The following EVL variants were observed in gnomAD, a reference collection of about 807,000 sequenced individuals.
The protein encoded by EVL is ena/VASP-like protein.
EVL carries 21 observed loss-of-function variants against 59.6 expected under a neutral mutation model. That is an observed-to-expected ratio of 0.35 (90% CI 0.25 to 0.51). The LOEUF is 0.51. Among genes scored for constraint, EVL ranks in the 20% least tolerant of loss-of-function variants. EVL has a pLI of 0.97. For missense variants in EVL, 462 were observed against 546.6 expected (o/e 0.85, Z 1.54); for synonymous variants, 198 against 203.5 (o/e 0.97, Z 0.23).
chr14:100,128,887 T>A, intron 6 of EVL, 139 bp downstream of exon 6: 1 of 695,826 alleles, frequency 1.4e-6, no homozygotes, highest in Non-Finnish European at 2.4e-6. Flanking sequence ...CTTGGCCACT[T>A]GTTCTCAAAC....
At chr14:100,104,788 G>A (rs1024975150) in intron 3 of EVL, among the ~76,000 whole-genome samples, 1 of 151,934 alleles carries the variant, frequency 6.6e-6, no homozygotes, top group African/African-American at 2.4e-5. Context: ...AAAGAAACAT[G>A]GCACTGTGAG....
At chr14:100,088,015 C>T (rs1020330105) in intron 2 of EVL, among the ~76,000 whole-genome samples, 1 of 152,212 alleles carries the variant, frequency 6.6e-6, no homozygotes, top group Non-Finnish European at 1.5e-5. Context: ...GAAGAGAAAT[C>T]TCACTTTCAA....
In EVL at chr14:100,084,881, C is replaced by T. The variant is rs1248504681; in HGVS notation, c.180+26C>T. 2.5e-6 allele frequency: 4 copies of T among 1,608,654 alleles called. No homozygotes were observed. In the African/African-American group the frequency reaches 4.0e-5, roughly 16 times the overall value. ...GTCAGTGCTGGAATTACAGATTATA[C>T]CCGTGAGCCTGCGCACCACCTCCTC... On this transcript the variant is annotated intron_variant, in intron 2 of 13. Coordinates refer to ENST00000392920, the MANE Select transcript of EVL (RefSeq NM_016337.3).
At chr14:100,024,336 C>T (rs2061175912) in intron 1 of EVL, among the ~76,000 whole-genome samples, 1 of 152,178 alleles carries the variant, frequency 6.6e-6, no homozygotes, top group South Asian at 2.1e-4. Flanking sequence ...AAGAACCATC[C>T]AAGTGTCAAG....
chr14:100,111,880 A>G (rs76442017), intron 3 of EVL, among the ~76,000 whole-genome samples: 20,951 of 152,220 alleles, frequency 0.14, 1,691 homozygotes, highest in East Asian at 0.38. Flanking sequence ...TTTCCAGTCC[A>G]GGTCTCTGCC....
chr14:99,977,796 T>G (rs2060780362), intron 1 of EVL, among the ~76,000 whole-genome samples: 1 of 151,826 alleles, frequency 6.6e-6, no homozygotes, highest in Admixed American at 6.6e-5. Flanking sequence ...TTCTTTGGGA[T>G]CTAAAAAAGT....
intron 1 of EVL, among the ~76,000 whole-genome samples, chr14:100,040,249 TC>T (rs941380775): frequency 1.3e-5 from 2 of 152,174 alleles, no homozygotes; most frequent in Non-Finnish European, 2.9e-5. Flanking sequence ...TCTCCTCCTT[TC>T]TTTATGCATT....
chr14:99,991,958 C>CTGTG (rs1491151315), intron 1 of EVL, among the ~76,000 whole-genome samples: 4 of 73,432 alleles, frequency 5.4e-5, no homozygotes, highest in African/African-American at 2.6e-4. Context: ...TGAGGGTCAA[C>CTGTG]TCTGTGTGTG....
intron 1 of EVL, among the ~76,000 whole-genome samples, chr14:100,027,506 G>A (rs537483520): frequency 9.9e-5 from 15 of 151,716 alleles, no homozygotes; most frequent in African/African-American, 2.7e-4. Flanking sequence ...TGTAGTATTC[G>A]TCTCTCTCGT....
At chr14:100,118,235 T>G (rs1887474811) in intron 3 of EVL, among the ~76,000 whole-genome samples, 1 of 151,212 alleles carries the variant, frequency 6.6e-6, no homozygotes, top group African/African-American at 2.4e-5. Context: ...AGGGGAGGAG[T>G]GTCACCTGCA....
chr14:100,101,222 C>T (rs575795799), intron 3 of EVL, among the ~76,000 whole-genome samples: 6 of 152,184 alleles, frequency 3.9e-5, no homozygotes, highest in South Asian at 2.1e-4. Context: ...CGGTGGCTCA[C>T]ACCTGTAATC....
chr14:100,095,259 A>G (rs1370171332), intron 2 of EVL, among the ~76,000 whole-genome samples: 3 of 152,102 alleles, frequency 2.0e-5, no homozygotes, highest in African/African-American at 4.8e-5. Context: ...TTTTTAAAGC[A>G]TTTTCCTCTG....
intron 6 of EVL, 87 bp from the exon 7 acceptor site, chr14:100,129,476 C>T: frequency 6.3e-7 from 1 of 1,579,434 alleles, no homozygotes; most frequent in Non-Finnish European, 8.6e-7. Context: ...TTCACACGCA[C>T]ACAGTCCCCT....
intron 1 of EVL, among the ~76,000 whole-genome samples, chr14:100,011,569 G>A (rs747525707): frequency 1.3e-5 from 2 of 152,028 alleles, no homozygotes; most frequent in South Asian, 2.1e-4. Flanking sequence ...ATTAGACTTC[G>A]ACATAATGAG....
chr14:100,079,098 C>G (rs924223346), intron 1 of EVL, among the ~76,000 whole-genome samples: 1 of 152,158 alleles, frequency 6.6e-6, no homozygotes, highest in African/African-American at 2.4e-5. Flanking sequence ...TCTTTCTCCG[C>G]AGGCCTGGGC....
In EVL at chr14:100,084,847, G is replaced by A; in HGVS notation, c.172G>A (p.Asp58Asn). The A allele has an allele frequency of 1.2e-6, 2 of 1,614,074 alleles. No individual in the cohort carries two copies. The highest frequency in any genetic ancestry group is 1.7e-6 in the Non-Finnish European group (2 of 1,180,016). Residue 58 changes from aspartate (D) to asparagine (N), a missense_variant, in exon 2 of 14, where the codon GAT becomes AAT. Transcript: ENST00000392920. The stretch of plus-strand genomic sequence containing the variant: ...CAGAGTCGTTGGAGTCAAGTTGCAG[G>A]ATCAGCAGGTCAGTGCTGGAATTAC... ...TFRVVGVKLQ[D>N]QQVVINYSIV...
intron 1 of EVL, among the ~76,000 whole-genome samples, chr14:99,991,960 CTG>C (rs58443751): frequency 0.46 from 66,864 of 144,088 alleles, 17,040 homozygotes; most frequent in Admixed American, 0.57. Flanking sequence ...AGGGTCAACT[CTG>C]TGTGTGTGTG....
At chr14:100,002,643 A>C (rs1159318037) in intron 1 of EVL, among the ~76,000 whole-genome samples, 1 of 152,244 alleles carries the variant, frequency 6.6e-6, no homozygotes, top group East Asian at 1.9e-4. Context: ...AGGGAACCTA[A>C]TATCTTAAAA....
chr14:100,107,015 G>C (rs1886613294), intron 3 of EVL: 1 of 398,732 alleles, frequency 2.5e-6, no homozygotes, highest in Non-Finnish European at 4.4e-6. Context: ...CGTTGGGTCT[G>C]TGTGACCCTG....
Sources: allele counts gnomAD v4.1 joint callset (sites outside exome capture counted in the v4.1 genomes callset), GRCh38; gene constraint gnomAD v4.1.1; transcripts MANE v1.5; gene names NCBI Gene and HGNC (gene_info 2026-07-23, HGNC 2026-07-21).